The following FXYD3 variants were observed in gnomAD, a reference collection of about 807,000 sequenced individuals.
FXYD3 encodes the protein FXYD domain-containing ion transport regulator 3.
A neutral mutation model predicts 19.2 loss-of-function variants in FXYD3; 13 were observed. The ratio of observed to expected loss-of-function variants is 0.68; its 90% CI spans 0.44 to 1.08. The LOEUF (loss-of-function observed/expected upper bound fraction) is 1.08, where lower values mean the gene tolerates loss of function less well. Ranked by LOEUF, FXYD3 falls within the 50% of genes least tolerant of loss-of-function variation. The pLI is 0.00. For missense variants in FXYD3, 101 were observed against 109.4 expected, an observed-to-expected ratio of 0.92 and a Z score of 0.34; for synonymous variants, 48 against 38.9, an observed-to-expected ratio of 1.23 and a Z score of -0.87.
chr19:35,116,257 T>A lies in FXYD3; in HGVS notation c.-110-7T>A, dbSNP rs1370337191. 1 of 985,404 alleles carries A rather than the reference T, an allele frequency of 1.0e-6. No homozygotes were observed. Among genetic ancestry groups the A allele is most frequent in the Non-Finnish European group, 1.2e-6 (1 of 829,906 alleles). The allele number at this position is 985,404 out of a possible 1,614,324, so 61.0% of individuals were successfully genotyped here. Reference sequence around the variant, plus strand: ...CAGGGCATCTGACTTGTTTTCTACCTGCCCAGGTTTGCTTAGGGCGTGGCA... The same window carrying A: ...CAGGGCATCTGACTTGTTTTCTACCAGCCCAGGTTTGCTTAGGGCGTGGCA... On this transcript the variant is annotated splice_region_variant and splice_polypyrimidine_tract_variant and intron_variant, in intron 1 of 8. Coordinates refer to ENST00000604404, the MANE Select transcript of FXYD3 (RefSeq NM_005971.4).
At chr19:35,122,187 C>T (rs914716166) in intron 5 of FXYD3, among the ~76,000 whole-genome samples, 1 of 152,006 alleles carries the variant, frequency 6.6e-6, no homozygotes, top group African/African-American at 2.4e-5. Flanking sequence ...CTCTTTCACC[C>T]AGAGTGTGAC....
At position 35,124,002 on chromosome 19, in the gene FXYD3, T is replaced by C. The variant is rs2065106159; in HGVS notation, c.*545T>C. The C allele has an allele frequency of 6.2e-6, 1 of 160,162 alleles. No individual in the cohort carries two copies. Among genetic ancestry groups the C allele is most frequent in the Admixed American group, 5.9e-5 (1 of 17,004 alleles). 9.9% of individuals were successfully genotyped at this position (160,162 alleles called of 1,614,324 possible). ...ATGGAAGTGTTCAGACAGTTTATAA[T>C]AGTAAGCCCCTGTGACCCTCTCACT... is the stretch of plus-strand genomic sequence containing the variant. On this transcript the variant is annotated 3_prime_UTR_variant, in exon 9 of 9. Coordinates refer to ENST00000604404, the MANE Select transcript of FXYD3 (RefSeq NM_005971.4).
chr19:35,123,232 T>C (rs1285366918), intron 7 of FXYD3, 39 bp from the exon 8 acceptor site: 4 of 1,553,756 alleles, frequency 2.6e-6, no homozygotes, highest in Admixed American at 1.9e-5. Context: ...AGAGGGCAAA[T>C]GGGGGCGGAC....
rs201621694 is a variant in FXYD3, at chr19:35,123,247, A to G, written c.210-24A>G. 1.8e-4 allele frequency: 289 copies of G among 1,571,646 alleles called. 2 individuals carry two copies. In the African/African-American group the frequency reaches 2.8e-3, roughly 15 times the overall value. On this transcript the variant is annotated intron_variant, in intron 7 of 8. Transcript: ENST00000604404. ...AGAGGGCAAATGGGGGCGGACACCA[A>G]TCTCACCACTTTTGTCTCCTTAGTC...
chr19:35,119,219 C>T (rs2064975984), intron 2 of FXYD3, 144 bp from the exon 3 acceptor site: 21 of 1,596,984 alleles, frequency 1.3e-5, no homozygotes, highest in Non-Finnish European at 1.7e-5. Flanking sequence ...GCTTATCTCT[C>T]AGCCCAGCGA....
intron 5 of FXYD3, 34 bp downstream of exon 5, chr19:35,121,279 A>T (rs1170813611): frequency 5.0e-6 from 8 of 1,613,644 alleles, no homozygotes; most frequent in Non-Finnish European, 6.8e-6. Flanking sequence ...CCTCCCCACA[A>T]CCCCACATAC....
rs199642794 is a variant in FXYD3, at chr19:35,122,972, C to T, written c.209+18C>T. 8 of 1,566,846 alleles carry T rather than the reference C, an allele frequency of 5.1e-6. No homozygotes were observed. In the East Asian group the frequency reaches 1.6e-4, roughly 31 times the overall value. ...AAGTCCGGGTAAGATACTGTTCCGG[C>T]ATGCCCGCCTCAGGCTGACTGGACG... On this transcript the variant is annotated intron_variant, in intron 7 of 8. Coordinates refer to ENST00000604404, the MANE Select transcript of FXYD3 (RefSeq NM_005971.4).
At chr19:35,117,372 T>A in intron 2 of FXYD3, 1 of 1,497,262 alleles carries the variant, frequency 6.7e-7, no homozygotes, top group South Asian at 1.3e-5. Context: ...GGAAAGAGGC[T>A]TAAGAGGTGA....
chr19:35,121,476 A>G, intron 5 of FXYD3: 1 of 1,443,592 alleles, frequency 6.9e-7, no homozygotes, highest in Non-Finnish European at 9.1e-7. Flanking sequence ...AGGTGAGGAC[A>G]GTTTGCAAGA....
chr19:35,116,217 G>A, intron 1 of FXYD3, 47 bp from the exon 2 acceptor site: 2 of 985,442 alleles, frequency 2.0e-6, no homozygotes, highest in Non-Finnish European at 2.4e-6. Flanking sequence ...GAGCAGGAAT[G>A]GAGCCCCTGG....
At chr19:35,122,883 C>G in intron 6 of FXYD3, 35 bp from the exon 7 acceptor site, 1 of 1,613,656 alleles carries the variant, frequency 6.2e-7, no homozygotes, top group Non-Finnish European at 8.5e-7. Context: ...GGGGCTGGGG[C>G]TCCCCTCCCC....
rs945085309 is a variant in FXYD3, at chr19:35,124,230, GC to G, written c.*775del. 2 of 152,128 alleles carry G rather than the reference GC, an allele frequency of 1.3e-5. No individual in the cohort carries two copies. Among genetic ancestry groups the G allele is most frequent in the Non-Finnish European group, 2.9e-5 (2 of 68,028 alleles). The allele number at this position is 152,128 out of a possible 1,614,324, so 9.4% of individuals were successfully genotyped here. A position where few individuals can be genotyped will look rare whatever the true frequency, so the allele number is the denominator to read the frequency against. The stretch of plus-strand genomic sequence containing the variant: ...GTTCTCATGAACTACCCCACAACAC[GC>G]CTAAAACTCAAAACACCCAAAAATA... On this transcript the variant is annotated 3_prime_UTR_variant, in exon 9 of 9. Coordinates refer to ENST00000604404, the MANE Select transcript of FXYD3 (RefSeq NM_005971.4).
intron 5 of FXYD3, chr19:35,121,592 C>T: frequency 1.5e-6 from 2 of 1,335,216 alleles, no homozygotes; most frequent in East Asian, 5.8e-5. Flanking sequence ...CCTCCAGGTT[C>T]CAATGACCTG....
intron 2 of FXYD3, chr19:35,118,424 A>T: frequency 1.0e-6 from 1 of 962,710 alleles, no homozygotes; most frequent in Non-Finnish European, 1.2e-6. Context: ...CAGGGCAGGG[A>T]CAGGGCAGGG....
chr19:35,118,621 G>C (rs2064958406), intron 2 of FXYD3: 1 of 991,364 alleles, frequency 1.0e-6, no homozygotes, highest in Admixed American at 5.6e-5. Context: ...GGCTGGGCTG[G>C]GGACCCCGGC....
chr19:35,123,334 G>A (rs373469267), intron 8 of FXYD3, 26 bp downstream of exon 8: 1 of 1,611,088 alleles, frequency 6.2e-7, no homozygotes, highest in Non-Finnish European at 8.5e-7. Context: ...ATGGGGCTCA[G>A]GGGAACACGG....
chr19:35,117,473 G>GC (rs1377673362), intron 2 of FXYD3: 6 of 1,131,412 alleles, frequency 5.3e-6, no homozygotes, highest in Non-Finnish European at 7.1e-6. Flanking sequence ...TAATAATAGT[G>GC]CCCCCTGCAT....
intron 5 of FXYD3, among the ~76,000 whole-genome samples, chr19:35,122,248 G>A (rs985253059): frequency 5.3e-5 from 8 of 151,582 alleles, no homozygotes; most frequent in East Asian, 1.9e-4. Context: ...TCTGCCTCCC[G>A]GGTTCAAATG....
chr19:35,119,352 C>T lies in FXYD3; in HGVS notation c.-14-11C>T, dbSNP rs756875089. 1.2e-6 allele frequency: 2 copies of T among 1,613,954 alleles called. No homozygotes were observed. Among genetic ancestry groups the T allele is most frequent in the Non-Finnish European group, 1.7e-6 (2 of 1,179,810 alleles). On this transcript the variant is annotated splice_polypyrimidine_tract_variant and intron_variant, in intron 2 of 8. Transcript: ENST00000604404. ...GCTCTGCTAAGGCCAGACCTCCCGC[C>T]ACCCCTCTAGGCCAGCGCTCTGACA...
Sources: gnomAD v4.1 joint callset for allele counts (sites outside exome capture counted in the v4.1 genomes callset) on GRCh38, gnomAD v4.1.1 for gene constraint, MANE v1.5 for transcripts, NCBI Gene and HGNC (gene_info 2026-07-23, HGNC 2026-07-21) for gene names.